The following F13A1 variants were observed in gnomAD, a reference collection of about 807,000 sequenced individuals.
The protein encoded by F13A1 is coagulation factor XIII A chain, also known as FSF, A subunit.
A neutral mutation model predicts 80.1 loss-of-function variants in F13A1; 47 were observed. The observed-to-expected ratio is 0.59, with a 90% CI of 0.46 to 0.75. F13A1 has a LOEUF of 0.75. Ranked by LOEUF, F13A1 falls within the 30% of genes least tolerant of loss-of-function variation. The pLI is 0.00. For synonymous variants in F13A1, 349 were observed against 344.9 expected, an observed-to-expected ratio of 1.01 and a Z score of -0.13; for missense variants, 817 against 930.4, an observed-to-expected ratio of 0.88 and a Z score of 1.59.
At chr6:6,318,724 T>C (rs765815029) in intron 1 of F13A1, 42 bp from the exon 2 acceptor site, 8 of 1,583,670 alleles carry the variant, frequency 5.1e-6, no homozygotes, top group Non-Finnish European at 6.9e-6. Flanking sequence ...AAAAGGCATG[T>C]AAAGTGAGTA....
intron 13 of F13A1, among the ~76,000 whole-genome samples, chr6:6,165,362 C>T (rs1357257177): frequency 2.6e-5 from 4 of 152,174 alleles, no homozygotes; most frequent in African/African-American, 4.8e-5. Flanking sequence ...ACAAATAATC[C>T]TGCAAATTAA....
intron 2 of F13A1, among the ~76,000 whole-genome samples, chr6:6,311,522 C>CAA (rs36187372): frequency 0.73 from 104,342 of 142,730 alleles, 38,182 homozygotes; most frequent in East Asian, 0.86. Flanking sequence ...AAACCTAAGT[C>CAA]AAAAAAAAAA....
chr6:6,202,441 C>A (rs1761413020), intron 8 of F13A1, among the ~76,000 whole-genome samples: 1 of 152,290 alleles, frequency 6.6e-6, no homozygotes, highest in African/African-American at 2.4e-5. Context: ...TTAGGAGGTG[C>A]TCAGTAAGTG....
intron 6 of F13A1, among the ~76,000 whole-genome samples, chr6:6,236,858 G>T (rs1221379055): frequency 6.6e-6 from 1 of 152,128 alleles, no homozygotes. Context: ...GTTTGGCAAG[G>T]AGAAGAATTA....
At chr6:6,164,874 C>G (rs1316072450) in intron 13 of F13A1, among the ~76,000 whole-genome samples, 1 of 148,972 alleles carries the variant, frequency 6.7e-6, no homozygotes, top group Non-Finnish European at 1.5e-5. Flanking sequence ...TGCTATGACT[C>G]TGCATTTCAC....
At chr6:6,185,595 C>T (rs966793799) in intron 10 of F13A1, among the ~76,000 whole-genome samples, 1 of 151,700 alleles carries the variant, frequency 6.6e-6, no homozygotes, top group Admixed American at 6.6e-5. Context: ...TGTATATGTG[C>T]CACATTTTCT....
In F13A1 at chr6:6,243,057, T is replaced by C. The variant is rs1757504053; in HGVS notation, c.798+5255A>G. Among the ~76,000 whole-genome samples the C allele has an allele frequency of 6.6e-6, 1 of 152,160 alleles. No homozygotes were observed. Among genetic ancestry groups the C allele is most frequent in the Non-Finnish European group, 1.5e-5 (1 of 68,032 alleles). On this transcript the variant is annotated intron_variant, in intron 6 of 14. Transcript: ENST00000264870. The surrounding 1 kb of genome is among the most constrained non-coding windows in gnomAD (Gnocchi z 4.2). The stretch of plus-strand genomic sequence containing the variant: ...CAGTGTTCAGACTGGTAGATTGCCA[T>C]AAACATTTGTCAAACAAATGAGTAA...
At chr6:6,264,906 T>C (rs1186816376) in intron 4 of F13A1, among the ~76,000 whole-genome samples, 6 of 152,250 alleles carry the variant, frequency 3.9e-5, no homozygotes, top group African/African-American at 1.4e-4. Context: ...ATGATGAGGA[T>C]GGATGTATAG....
chr6:6,186,188 T>C (rs1761077661), intron 10 of F13A1, among the ~76,000 whole-genome samples: 2 of 150,416 alleles, frequency 1.3e-5, no homozygotes, highest in Non-Finnish European at 3.0e-5. Context: ...TTCACTCTGA[T>C]GGTAGTTTCT....
intron 12 of F13A1, 105 bp downstream of exon 12, chr6:6,174,475 G>C: frequency 8.0e-7 from 1 of 1,245,200 alleles, no homozygotes; most frequent in Non-Finnish European, 1.2e-6. Context: ...CTGAGATCTT[G>C]GAGGGAACTT....
chr6:6,246,517 C>A (rs75140278), intron 6 of F13A1, among the ~76,000 whole-genome samples: 3,587 of 149,418 alleles, frequency 0.024, 73 homozygotes, highest in Non-Finnish European at 0.035. Context: ...AAAAATAAAA[C>A]CAAACCGTTT....
chr6:6,197,164 TA>T (rs1761305574), intron 9 of F13A1, 58 bp downstream of exon 9: 3 of 1,550,624 alleles, frequency 1.9e-6, no homozygotes, highest in Non-Finnish European at 1.8e-6. Flanking sequence ...AATGCAAGCA[TA>T]AAAGCAAAAC....
At chr6:6,150,967 C>T (rs1015156526) in intron 14 of F13A1, among the ~76,000 whole-genome samples, 1 of 152,134 alleles carries the variant, frequency 6.6e-6, no homozygotes, top group Admixed American at 6.5e-5. Context: ...CAAACATTTG[C>T]AAACCATCAG....
At chr6:6,216,294 A>AACCAAAACAGGATGGTACTGGT (rs961422556) in intron 8 of F13A1, among the ~76,000 whole-genome samples, 6 of 152,050 alleles carry the variant, frequency 3.9e-5, no homozygotes, top group African/African-American at 1.4e-4. Context: ...AGGCTACAGT[A>AACCAAAACAGGATGGTACTGGT]ACCAAAACAG....
At chr6:6,193,667 A>G (rs555596604) in intron 10 of F13A1, among the ~76,000 whole-genome samples, 3 of 152,330 alleles carry the variant, frequency 2.0e-5, no homozygotes, top group East Asian at 3.9e-4. Context: ...TCTATATTTA[A>G]TAATAGCAAA....
intron 8 of F13A1, among the ~76,000 whole-genome samples, chr6:6,219,468 T>C (rs1993551): frequency 0.65 from 99,466 of 152,084 alleles, 33,436 homozygotes; most frequent in African/African-American, 0.81. Context: ...ATCATTATAG[T>C]CACTCCATCG....
chr6:6,297,875 G>C (rs1345881833), intron 3 of F13A1, among the ~76,000 whole-genome samples: 3 of 149,824 alleles, frequency 2.0e-5, no homozygotes, highest in East Asian at 1.9e-4. Context: ...GCTTTCTCTT[G>C]TGGGCATTTA....
At chr6:6,313,001 A>C (rs1050487816) in intron 2 of F13A1, among the ~76,000 whole-genome samples, 1 of 152,222 alleles carries the variant, frequency 6.6e-6, no homozygotes, top group African/African-American at 2.4e-5. Context: ...AAGACTCTGA[A>C]GATGACTGTA....
intron 10 of F13A1, among the ~76,000 whole-genome samples, chr6:6,186,419 C>T (rs1761081330): frequency 6.6e-6 from 1 of 152,198 alleles, no homozygotes; most frequent in Admixed American, 6.5e-5. Flanking sequence ...AGGAAGGGAT[C>T]CAGTTTCAGC....
Sources: allele counts gnomAD v4.1 joint callset (sites outside exome capture counted in the v4.1 genomes callset), GRCh38; gene constraint gnomAD v4.1.1; non-coding constraint Gnocchi (gnomAD v3.1); transcripts MANE v1.5; gene names NCBI Gene and HGNC (gene_info 2026-07-23, HGNC 2026-07-21).